The following FAT3 variants were observed in gnomAD, a reference collection of about 807,000 sequenced individuals.
The protein encoded by FAT3 is protocadherin Fat 3.
Under a neutral mutation model 310.2 loss-of-function variants are expected in FAT3, and 95 were observed. That is an observed-to-expected ratio of 0.31 (90% CI 0.26 to 0.36). FAT3 has a LOEUF of 0.36. Among genes scored for constraint, FAT3 ranks in the 10% least tolerant of loss-of-function variants. FAT3 has a pLI of 1.00. For missense variants in FAT3, 5,408 were observed against 5,715.6 expected, an observed-to-expected ratio of 0.95 and a Z score of 1.74; for synonymous variants, 2,314 against 2,192.9, an observed-to-expected ratio of 1.06 and a Z score of -1.54.
At chr11:92,265,642 C>G (rs1031771132) in intron 1 of FAT3, among the ~76,000 whole-genome samples, 1 of 152,058 alleles carries the variant, frequency 6.6e-6, no homozygotes, top group Non-Finnish European at 1.5e-5. Flanking sequence ...TTATTTCTCA[C>G]AGTCCTGGAG....
chr11:92,456,683 T>G (rs144427481), intron 2 of FAT3, among the ~76,000 whole-genome samples: 1 of 152,230 alleles, frequency 6.6e-6, no homozygotes, highest in Admixed American at 6.5e-5. Context: ...AAAAATAGAA[T>G]TATACTATTC....
chr11:92,308,087 A>T (rs1947186856), intron 1 of FAT3, among the ~76,000 whole-genome samples: 1 of 152,126 alleles, frequency 6.6e-6, no homozygotes, highest in Non-Finnish European at 1.5e-5. Flanking sequence ...AGTACAATAT[A>T]AGAAACATGG....
chr11:92,367,547 C>G (rs1949059639), intron 2 of FAT3, among the ~76,000 whole-genome samples: 1 of 152,186 alleles, frequency 6.6e-6, no homozygotes, highest in Non-Finnish European at 1.5e-5. Flanking sequence ...GGGAAGTTCA[C>G]TTAAGCCTGG....
chr11:92,390,905 G>T lies in FAT3; in HGVS notation c.3292+35501G>T, dbSNP rs1949733173. On this transcript the variant is annotated intron_variant, in intron 2 of 27. Transcript: ENST00000525166. Reference sequence around the variant, plus strand: ...TCTTCAATCTTGTGGTTCTGGATTGGGGCCACATTCTGGCAAAAGAGCCTT... The same window carrying T: ...TCTTCAATCTTGTGGTTCTGGATTGTGGCCACATTCTGGCAAAAGAGCCTT... Among the ~76,000 whole-genome samples, 2 of 152,216 alleles carry T rather than the reference G, an allele frequency of 1.3e-5. 1 individual carries two copies. Among genetic ancestry groups the T allele is most frequent in the South Asian group, 4.2e-4 (2 of 4,816 alleles).
In FAT3 at chr11:92,844,474, T is replaced by A. The variant is rs1948635943; in HGVS notation, c.11107T>A (p.Phe3703Ile). The change falls in exon 19 of 28, where the codon TTT becomes ATT. Residue 3703 changes from phenylalanine to isoleucine, a missense_variant. Phe to Ile is a conservative substitution (Grantham distance 21). Coordinates refer to ENST00000525166, the MANE Select transcript of FAT3 (RefSeq NM_001367949.2). ...VAGTNQLDMLFAVEMHSSEFY... is the reference protein window; with the variant it reads ...VAGTNQLDMLIAVEMHSSEFY... ...AGGCACCAACCAACTGGACATGCTGTTTGCGGTGGAGATGCACAGCAGCGA... is the reference window on the plus strand; with the variant it reads ...AGGCACCAACCAACTGGACATGCTGATTGCGGTGGAGATGCACAGCAGCGA... 6.2e-7 allele frequency: 1 copy of A among 1,613,940 alleles called. No individual in the cohort carries two copies. The highest frequency in any genetic ancestry group is 1.3e-5 in the African/African-American group (1 of 75,042).
chr11:92,597,259 T>C (rs1188826723), intron 3 of FAT3, among the ~76,000 whole-genome samples: 1 of 152,212 alleles, frequency 6.6e-6, no homozygotes, highest in Non-Finnish European at 1.5e-5. Flanking sequence ...CTACCTTGTT[T>C]TTTGGCCAAC....
Position 92,507,147 on chromosome 11 carries a change from G to A in FAT3, c.3293-17487G>A, listed in dbSNP as rs555258109. ...CTGGTGCTGTCGACAGAGCAAGTGG[G>A]CACATTTCATCTCAATTACCAAAAG... On this transcript the variant is annotated intron_variant, in intron 2 of 27. Coordinates refer to ENST00000525166, the MANE Select transcript of FAT3 (RefSeq NM_001367949.2). 1.7e-3 allele frequency among the ~76,000 whole-genome samples: 266 copies of A among 152,284 alleles called. 2 individuals are homozygous for A. Among genetic ancestry groups the A allele is most frequent in the Non-Finnish European group, 4.3e-4 (29 of 68,016 alleles).
intron 3 of FAT3, chr11:92,559,432 T>C (rs1192455961): frequency 3.8e-6 from 1 of 262,280 alleles, no homozygotes; most frequent in Non-Finnish European, 7.7e-6. Flanking sequence ...TTGCCCAGGC[T>C]GGAATGCAGT....
At chr11:92,439,648 G>T (rs1951022417) in intron 2 of FAT3, among the ~76,000 whole-genome samples, 1 of 152,162 alleles carries the variant, frequency 6.6e-6, no homozygotes, top group Admixed American at 6.5e-5. Context: ...AGGCATGGTG[G>T]CTTACACCTG....
rs903364566 is a variant in FAT3 at position 92,893,377 on chromosome 11, A to T, written c.*2264A>T. On this transcript the variant is annotated 3_prime_UTR_variant, in exon 28 of 28. Coordinates refer to ENST00000525166, the MANE Select transcript of FAT3 (RefSeq NM_001367949.2). Reference sequence around the variant, plus strand: ...TGTAAGAAGCACATTTGCAAGAATCATGGAAAAAAATGACAAACTAATGGC... The same window carrying T: ...TGTAAGAAGCACATTTGCAAGAATCTTGGAAAAAAATGACAAACTAATGGC... 2.5e-4 allele frequency: 38 copies of T among 152,240 alleles called. No individual in the cohort carries two copies. The highest frequency in any genetic ancestry group is 2.5e-3 in the Admixed American group (38 of 15,284). 9.4% of individuals were successfully genotyped at this position (152,240 alleles called of 1,614,324 possible).
At chr11:92,377,186 C>T (rs1263027198) in intron 2 of FAT3, among the ~76,000 whole-genome samples, 1 of 152,124 alleles carries the variant, frequency 6.6e-6, no homozygotes, top group Admixed American at 6.5e-5. Context: ...TTTCACAAAA[C>T]ATGTTGAAGA....
chr11:92,859,671 A>G (rs560630089), intron 21 of FAT3, among the ~76,000 whole-genome samples: 5 of 152,216 alleles, frequency 3.3e-5, no homozygotes, highest in African/African-American at 1.2e-4. Flanking sequence ...ATCGTTTTCT[A>G]CCACATGGGT....
At chr11:92,405,021 A>G (rs1051610808) in intron 2 of FAT3, among the ~76,000 whole-genome samples, 2 of 152,060 alleles carry the variant, frequency 1.3e-5, no homozygotes, top group Admixed American at 1.3e-4. Flanking sequence ...CAGACAGAAC[A>G]TCATGAGACT....
chr11:92,544,165 A>G (rs888046240), intron 3 of FAT3, among the ~76,000 whole-genome samples: 2 of 152,212 alleles, frequency 1.3e-5, no homozygotes, highest in African/African-American at 4.8e-5. Flanking sequence ...CCAGTTAAAT[A>G]TTAAAATGTT....
At chr11:92,869,726 T>A in intron 22 of FAT3, among the ~76,000 whole-genome samples, 1 of 152,240 alleles carries the variant, frequency 6.6e-6, no homozygotes, top group Non-Finnish European at 1.5e-5. Flanking sequence ...ACTATGTAGC[T>A]AATTAAAAGG....
intron 3 of FAT3, among the ~76,000 whole-genome samples, chr11:92,552,973 A>C (rs888583800): frequency 1.3e-5 from 2 of 151,912 alleles, no homozygotes; most frequent in Admixed American, 1.3e-4. Flanking sequence ...AAAGAAAAGA[A>C]AAAAGAATTG....
At chr11:92,664,216 C>T (rs1023661270) in intron 3 of FAT3, among the ~76,000 whole-genome samples, 2 of 152,212 alleles carry the variant, frequency 1.3e-5, no homozygotes, top group African/African-American at 4.8e-5. Context: ...GATTGGCTTA[C>T]TACTCTGTGC....
intron 2 of FAT3, among the ~76,000 whole-genome samples, chr11:92,487,214 T>A (rs2135219391): frequency 6.6e-6 from 1 of 152,230 alleles, no homozygotes; most frequent in East Asian, 1.9e-4. Context: ...CTCTGGAGGG[T>A]AATCCATGCC....
chr11:92,836,330 CT>C (rs1948407438), intron 15 of FAT3, among the ~76,000 whole-genome samples: 1 of 152,106 alleles, frequency 6.6e-6, no homozygotes, highest in African/African-American at 2.4e-5. Context: ...AGGCATCAGG[CT>C]GTGGGCAGGT....
Sources: gnomAD v4.1 joint callset for allele counts (sites outside exome capture counted in the v4.1 genomes callset) on GRCh38, gnomAD v4.1.1 for gene constraint, MANE v1.5 for transcripts, NCBI Gene and HGNC (gene_info 2026-07-23, HGNC 2026-07-21) for gene names.